The following EFNA5 variants were observed in gnomAD, a reference collection of about 807,000 sequenced individuals.
EFNA5 encodes the protein ephrin-A5.
EFNA5 carries 5 observed loss-of-function variants against 22.9 expected under a neutral mutation model. The observed-to-expected ratio is 0.22, with a 90% CI of 0.11 to 0.46. EFNA5 has a LOEUF of 0.46. Among genes scored for constraint, EFNA5 ranks in the 20% least tolerant of loss-of-function variants. The pLI is 0.99. For synonymous variants in EFNA5, 113 were observed against 112.2 expected, an observed-to-expected ratio of 1.01 and a Z score of -0.04; for missense variants, 237 against 293.3, an observed-to-expected ratio of 0.81 and a Z score of 1.40.
chr5:107,588,878 T>C (rs1243545737), intron 1 of EFNA5, among the ~76,000 whole-genome samples: 1 of 152,210 alleles, frequency 6.6e-6, no homozygotes, highest in Admixed American at 6.5e-5. Flanking sequence ...CGTCTAGTAA[T>C]TTAGCTGATT....
intron 1 of EFNA5, among the ~76,000 whole-genome samples, chr5:107,641,339 C>G (rs935452563): frequency 7.2e-6 from 1 of 138,918 alleles, no homozygotes; most frequent in Non-Finnish European, 1.6e-5. Context: ...GCCTGGGCAA[C>G]AGAGTGAGAC....
intron 1 of EFNA5, among the ~76,000 whole-genome samples, chr5:107,520,732 G>A (rs1018532896): frequency 6.6e-6 from 1 of 152,206 alleles, no homozygotes; most frequent in South Asian, 2.1e-4. Flanking sequence ...GAGGATGTGT[G>A]AGTGTTTCTG....
At chr5:107,657,125 T>G (rs139577031) in intron 1 of EFNA5, among the ~76,000 whole-genome samples, 1 of 152,212 alleles carries the variant, frequency 6.6e-6, no homozygotes, top group Admixed American at 6.5e-5. Flanking sequence ...TGTTAATAAC[T>G]TTGAGTTAAA....
At chr5:107,596,720 A>G (rs1561444749) in intron 1 of EFNA5, among the ~76,000 whole-genome samples, 1 of 152,166 alleles carries the variant, frequency 6.6e-6, no homozygotes, top group African/African-American at 2.4e-5. Context: ...CAGCAAAAGG[A>G]GGTAGATGGA....
intron 1 of EFNA5, among the ~76,000 whole-genome samples, chr5:107,572,544 T>C (rs1327468364): frequency 6.6e-6 from 1 of 152,204 alleles, no homozygotes; most frequent in Non-Finnish European, 1.5e-5. Context: ...AGTGCTTGAC[T>C]ACTGGAGAAA....
chr5:107,624,682 A>G (rs936277268), intron 1 of EFNA5, among the ~76,000 whole-genome samples: 1 of 152,110 alleles, frequency 6.6e-6, no homozygotes, highest in African/African-American at 2.4e-5. Flanking sequence ...CTCCACCTCA[A>G]AAGAGCAGCC....
intron 1 of EFNA5, among the ~76,000 whole-genome samples, chr5:107,468,196 T>G (rs1750043658): frequency 6.6e-6 from 1 of 152,188 alleles, no homozygotes. Context: ...TGACTGCCCT[T>G]TGTTTTGTCA....
intron 1 of EFNA5, among the ~76,000 whole-genome samples, chr5:107,539,283 C>T (rs1304378812): frequency 2.0e-5 from 3 of 152,200 alleles, no homozygotes; most frequent in African/African-American, 4.8e-5. Flanking sequence ...TGCTCCGAGC[C>T]CTGTACACAC....
intron 1 of EFNA5, among the ~76,000 whole-genome samples, chr5:107,645,840 T>C (rs1358514993): frequency 6.6e-6 from 1 of 152,228 alleles, no homozygotes; most frequent in Admixed American, 6.5e-5. Flanking sequence ...TAAATATGGA[T>C]TCAGTACCAG....
At chr5:107,644,939 G>A (rs1561458501) in intron 1 of EFNA5, among the ~76,000 whole-genome samples, 1 of 152,160 alleles carries the variant, frequency 6.6e-6, no homozygotes, top group Admixed American at 6.6e-5. Context: ...AACCTCAAGT[G>A]ATCTGCCCAC....
In EFNA5 at chr5:107,640,880, G is replaced by A. The variant is rs150083583; in HGVS notation, c.125+29609C>T. ...CTTCCCCAGGAGACCAGGACCTAGG[G>A]AGCCAGTGGGTATACCCAAGCAGGC... On this transcript the variant is annotated intron_variant, in intron 1 of 4. Coordinates refer to ENST00000333274, the MANE Select transcript of EFNA5 (RefSeq NM_001962.3). Among the ~76,000 whole-genome samples, 540 of 152,172 alleles carry A rather than the reference G, an allele frequency of 3.5e-3. 5 individuals carry two copies. Among genetic ancestry groups the A allele is most frequent in the African/African-American group, 0.013 (519 of 41,494 alleles).
At chr5:107,551,145 T>A (rs753528245) in intron 1 of EFNA5, among the ~76,000 whole-genome samples, 1 of 152,220 alleles carries the variant, frequency 6.6e-6, no homozygotes, top group Non-Finnish European at 1.5e-5. Context: ...ACCATCATCA[T>A]CTTTTTTTCC....
At chr5:107,473,147 T>C (rs1272632151) in intron 1 of EFNA5, among the ~76,000 whole-genome samples, 1 of 152,132 alleles carries the variant, frequency 6.6e-6, no homozygotes, top group African/African-American at 2.4e-5. Flanking sequence ...ATGTTGGAAG[T>C]TGTAGCCTTT....
intron 1 of EFNA5, among the ~76,000 whole-genome samples, chr5:107,582,573 C>T (rs550345260): frequency 6.6e-6 from 1 of 152,242 alleles, no homozygotes; most frequent in African/African-American, 2.4e-5. Flanking sequence ...AATTCTGCTA[C>T]AGGCCCCAGA....
chr5:107,664,693 T>A (rs1751032691), intron 1 of EFNA5, among the ~76,000 whole-genome samples: 1 of 152,208 alleles, frequency 6.6e-6, no homozygotes, highest in South Asian at 2.1e-4. Context: ...GGCAATTTTT[T>A]TCCTCAGTTC....
intron 1 of EFNA5, among the ~76,000 whole-genome samples, chr5:107,600,006 T>C (rs533545859): frequency 9.9e-5 from 15 of 152,248 alleles, no homozygotes; most frequent in African/African-American, 3.4e-4. Context: ...GAATGTGAAG[T>C]AGACAGATTC....
rs1411629883 is a variant in EFNA5, at chr5:107,564,640, T to TG, written c.125+105848_125+105849insC. Among the ~76,000 whole-genome samples the TG allele has an allele frequency of 1.3e-3, 192 of 150,502 alleles. 1 individual carries two copies. Among genetic ancestry groups the TG allele is most frequent in the African/African-American group, 4.4e-3 (182 of 41,082 alleles). On this transcript the variant is annotated intron_variant, in intron 1 of 4. Coordinates refer to ENST00000333274, the MANE Select transcript of EFNA5 (RefSeq NM_001962.3). ...TTTTGTTTGGGTTTTTGTTTTTTTT[T>TG]TTTTTTTTTTTGATCCTAACAGCCC...
chr5:107,509,422 G>T (rs1009617341), intron 1 of EFNA5, among the ~76,000 whole-genome samples: 1 of 150,766 alleles, frequency 6.6e-6, no homozygotes, highest in Non-Finnish European at 1.5e-5. Flanking sequence ...GGATTCAAGC[G>T]ATTCTCCTCC....
intron 1 of EFNA5, among the ~76,000 whole-genome samples, chr5:107,584,392 A>C (rs1268217476): frequency 6.6e-6 from 1 of 152,218 alleles, no homozygotes; most frequent in East Asian, 1.9e-4. Flanking sequence ...CCCCAAATTC[A>C]GTCCTTTCAG....
Sources: gnomAD v4.1 joint callset for allele counts (sites outside exome capture counted in the v4.1 genomes callset) on GRCh38, gnomAD v4.1.1 for gene constraint, MANE v1.5 for transcripts, NCBI Gene and HGNC (gene_info 2026-07-23, HGNC 2026-07-21) for gene names.